The following ENPP4 variants were observed in gnomAD, a reference collection of about 807,000 sequenced individuals.
ENPP4 encodes the protein ectonucleotide pyrophosphatase/phosphodiesterase 4.
Under a neutral mutation model 33.4 loss-of-function variants are expected in ENPP4, and 18 were observed. That is an observed-to-expected ratio of 0.54 (90% CI 0.37 to 0.80). ENPP4 has a LOEUF of 0.80. Among genes scored for constraint, ENPP4 ranks in the 30% least tolerant of loss-of-function variants. The pLI, the probability that ENPP4 is intolerant of heterozygous loss-of-function variation, is 0.00. For synonymous variants in ENPP4, 172 were observed against 189.9 expected (o/e 0.91, Z 0.78); for missense variants, 480 against 541.7 (o/e 0.89, Z 1.13).
chr6:46,130,902 T>C (rs1763884891), intron 1 of ENPP4, among the ~76,000 whole-genome samples: 1 of 152,220 alleles, frequency 6.6e-6, no homozygotes, highest in Non-Finnish European at 1.5e-5. Flanking sequence ...AGAAGGGCTT[T>C]GCTTAATCAG....
rs1344749403 is a variant in ENPP4 at position 46,145,415 on chromosome 6, A to AT, written c.*1782dup. On this transcript the variant is annotated 3_prime_UTR_variant, in exon 4 of 4. Coordinates refer to ENST00000321037, the MANE Select transcript of ENPP4 (RefSeq NM_014936.5). ...TAATTTTGCTTTAAAAAAATTTCTA[A>AT]TTTTTTTCACATAAAACAATTATCC... 4 of 152,382 alleles carry AT rather than the reference A, an allele frequency of 2.6e-5. No individual in the cohort carries two copies. Among genetic ancestry groups the AT allele is most frequent in the Admixed American group, 1.3e-4 (2 of 15,190 alleles). The allele number at this position is 152,382 out of a possible 1,614,324, so 9.4% of individuals were successfully genotyped here.
Position 46,140,631 on chromosome 6 carries a change from C to G in ENPP4, c.826+222C>G, listed in dbSNP as rs190900073. 3.6e-3 allele frequency among the ~76,000 whole-genome samples: 547 copies of G among 151,634 alleles called. 2 individuals carry two copies. The highest frequency in any genetic ancestry group is 0.012 in the African/African-American group (510 of 41,408). On this transcript the variant is annotated intron_variant, in intron 2 of 3. Transcript: ENST00000321037. ...TAGTTTCAAAGTGAGTATTTCTTTG[C>G]TTTTGATATATCTAATTATTTGCAC...
chr6:46,133,435 G>T (rs143607518), intron 1 of ENPP4, among the ~76,000 whole-genome samples: 2 of 152,118 alleles, frequency 1.3e-5, no homozygotes, highest in Non-Finnish European at 2.9e-5. Flanking sequence ...AGCAGATGGC[G>T]TGCTAATAGT....
Position 46,143,427 on chromosome 6 carries a change from T to A in ENPP4, c.1149T>A (p.His383Gln). 1 of 1,612,790 alleles carries A rather than the reference T, an allele frequency of 6.2e-7. No individual in the cohort carries two copies. Among genetic ancestry groups the A allele is most frequent in the Non-Finnish European group, 8.5e-7 (1 of 1,179,108 alleles). ...GCCACATCCTGGGATTAAAACCACA[T>A]CCCAATAATGGGACCTTTGGTCATA... The part of the protein sequence containing the change: ...MMCHILGLKP[H>Q]PNNGTFGHTK... The change falls in exon 4 of 4, where the codon CAT (histidine) becomes CAA (glutamine). Residue 383 changes from histidine to glutamine, a missense_variant. Transcript: ENST00000321037.
At chr6:46,132,010 T>C (rs1221985038) in intron 1 of ENPP4, among the ~76,000 whole-genome samples, 4 of 152,224 alleles carry the variant, frequency 2.6e-5, no homozygotes, top group African/African-American at 9.6e-5. Context: ...GGGTTGTTTT[T>C]TTCTTGTAAA....
Position 46,143,566 on chromosome 6 carries a change from A to T in ENPP4, c.1288A>T (p.Asn430Tyr), listed in dbSNP as rs779081691. 1 of 1,612,572 alleles carries T rather than the reference A, an allele frequency of 6.2e-7. No individual in the cohort carries two copies. The highest frequency in any genetic ancestry group is 8.5e-7 in the Non-Finnish European group (1 of 1,178,902). ...MLTCLIIIMQNRLSVPRPFSR... is the reference protein window; with the variant it reads ...MLTCLIIIMQYRLSVPRPFSR... Reference sequence around the variant, plus strand: ...AACATGCCTCATAATAATCATGCAGAATAGACTTTCTGTACCTCGTCCATT... The same window carrying T: ...AACATGCCTCATAATAATCATGCAGTATAGACTTTCTGTACCTCGTCCATT... The change falls in exon 4 of 4, where the codon AAT becomes TAT. Residue 430 changes from asparagine to tyrosine, a missense_variant. Transcript: ENST00000321037.
At chr6:46,142,892 C>T (rs559800892) in intron 3 of ENPP4, among the ~76,000 whole-genome samples, 4 of 151,916 alleles carry the variant, frequency 2.6e-5, no homozygotes, top group Admixed American at 2.6e-4. Flanking sequence ...TTACTCACTT[C>T]TGTTCTTCCC....
rs1357023051 is a variant in ENPP4, at chr6:46,146,618, T to G, written c.*2978T>G. On this transcript the variant is annotated 3_prime_UTR_variant, in exon 4 of 4. Transcript: ENST00000321037. ...TACTTGAGTTCAGAATTAATGACTT[T>G]GTTCATGATTTTTAAAATGTGTGTG... 1 of 152,092 alleles carries G rather than the reference T, an allele frequency of 6.6e-6. No individual in the cohort carries two copies. Among genetic ancestry groups the G allele is most frequent in the Non-Finnish European group, 1.5e-5 (1 of 67,864 alleles). 9.4% of individuals were successfully genotyped at this position (152,092 alleles called of 1,614,324 possible).
chr6:46,137,917 C>T (rs1242645641), intron 1 of ENPP4, among the ~76,000 whole-genome samples: 2 of 145,546 alleles, frequency 1.4e-5, no homozygotes, highest in African/African-American at 2.5e-5. Flanking sequence ...TACGCAGATC[C>T]TCCAGGTGGC....
rs145644328 is a variant in ENPP4 at position 46,143,514 on chromosome 6, C to T, written c.1236C>T (p.Ile412=). The change falls in exon 4 of 4, where the codon ATC becomes ATT. Residue 412 remains isoleucine (I), a synonymous_variant. Transcript: ENST00000321037. ...INLPEAIAIV[I]GSLLVLTMLT... ...TCCCAGAAGCCATCGCGATTGTTAT[C>T]GGTTCACTCTTGGTGTTAACCATGC... 7.4e-6 allele frequency: 12 copies of T among 1,612,694 alleles called. No individual in the cohort carries two copies. Among genetic ancestry groups the T allele is most frequent in the South Asian group, 2.2e-5 (2 of 91,054 alleles).
Position 46,143,576 on chromosome 6 carries a change from C to A in ENPP4, c.1298C>A (p.Ser433Tyr). 1.2e-6 allele frequency: 2 copies of A among 1,612,314 alleles called. No homozygotes were observed. Among genetic ancestry groups the A allele is most frequent in the Non-Finnish European group, 1.7e-6 (2 of 1,178,780 alleles). ...ATAATAATCATGCAGAATAGACTTT[C>A]TGTACCTCGTCCATTTTCTCGACTT... ...CLIIIMQNRL[S>Y]VPRPFSRLQL... The change falls in exon 4 of 4, where the codon TCT becomes TAT. Residue 433 changes from serine (S) to tyrosine (Y), a missense_variant. By Grantham distance (144) the Ser-to-Tyr change is moderately radical. Around this residue, in one of 3 missense-constraint regions of ENPP4, gnomAD observed 249 missense variants for 251.8 expected, o/e 0.99. Coordinates refer to ENST00000321037, the MANE Select transcript of ENPP4 (RefSeq NM_014936.5).
chr6:46,140,394 A>G lies in ENPP4; in HGVS notation c.811A>G (p.Ile271Val), dbSNP rs765628159. Residue 271 changes from isoleucine to valine, a missense_variant, in exon 2 of 4, where the codon ATA becomes GTA. Coordinates refer to ENST00000321037, the MANE Select transcript of ENPP4 (RefSeq NM_014936.5). ...TATAGATTTGAGCCCAGTTGCTGCA[A>G]TACTTCCCAAAATAAGTAAGTAAAC... Reference protein sequence around the residue: ...TLIDLSPVAAILPKINRTEVY... With the variant: ...TLIDLSPVAAVLPKINRTEVY... The G allele has an allele frequency of 1.9e-6, 3 of 1,567,132 alleles. No homozygotes were observed. The highest frequency in any genetic ancestry group is 1.4e-5 in the African/African-American group (1 of 72,898).
chr6:46,141,060 G>T lies in ENPP4; in HGVS notation c.835G>T (p.Glu279Ter). The T allele has an allele frequency of 6.3e-7, 1 of 1,591,116 alleles. No homozygotes were observed. Among genetic ancestry groups the T allele is most frequent in the South Asian group, 1.1e-5 (1 of 88,452 alleles). Reference sequence around the variant, plus strand: ...TTCTTTTTTTTTCTCAGATAGAACAGAGGTTTATAACAAACTGAAAAACTG... The same window carrying T: ...TTCTTTTTTTTTCTCAGATAGAACATAGGTTTATAACAAACTGAAAAACTG... ...AAILPKINRT[E>*]VYNKLKNCSP... The change falls in exon 3 of 4, where the codon GAG (glutamate) becomes TAG (stop). Residue 279 changes from glutamate (E) to a stop codon, truncating the protein, a stop_gained. Transcript: ENST00000321037. LOFTEE classifies it high-confidence loss of function.
intron 1 of ENPP4, among the ~76,000 whole-genome samples, chr6:46,131,062 C>T (rs1763887579): frequency 6.6e-6 from 1 of 152,184 alleles, no homozygotes; most frequent in Admixed American, 6.5e-5. Flanking sequence ...GCCTGCTGCA[C>T]TTGTGCGTCT....
intron 2 of ENPP4, among the ~76,000 whole-genome samples, chr6:46,140,673 T>A (rs1764047631): frequency 6.6e-6 from 1 of 151,746 alleles, no homozygotes; most frequent in Admixed American, 6.6e-5. Context: ...AAGGAAATTT[T>A]TATCCTTAAA....
intron 1 of ENPP4, among the ~76,000 whole-genome samples, chr6:46,134,167 T>C (rs932067420): frequency 4.6e-5 from 7 of 152,128 alleles, no homozygotes; most frequent in African/African-American, 1.2e-4. Context: ...TCTTTGTAAC[T>C]AGAATGATAA....
chr6:46,139,406 A>AC, intron 1 of ENPP4, 145 bp from the exon 2 acceptor site: 1 of 511,610 alleles, frequency 2.0e-6, no homozygotes, highest in Non-Finnish European at 3.4e-6. Context: ...GCTTTTAGTT[A>AC]TTTTTAAATA....
chr6:46,137,659 C>G (rs901211404), intron 1 of ENPP4, among the ~76,000 whole-genome samples: 5 of 151,884 alleles, frequency 3.3e-5, no homozygotes, highest in Admixed American at 6.6e-5. Flanking sequence ...TCCTCTACCA[C>G]TCATTAGGTT....
chr6:46,130,582 T>G (rs1326637918), intron 1 of ENPP4, among the ~76,000 whole-genome samples: 3 of 152,218 alleles, frequency 2.0e-5, no homozygotes, highest in African/African-American at 7.2e-5. Flanking sequence ...GGCATCGACA[T>G]CCGTCTGTCT....
Sources: gnomAD v4.1 joint callset for allele counts (sites outside exome capture counted in the v4.1 genomes callset) on GRCh38, gnomAD v4.1.1 for gene constraint, gnomAD v4.1.1 regional missense constraint, MANE v1.5 for transcripts, NCBI Gene and HGNC (gene_info 2026-07-23, HGNC 2026-07-21) for gene names.